The following DSCAM variants were observed in gnomAD, a reference collection of about 807,000 sequenced individuals.
DSCAM encodes cell adhesion molecule DSCAM.
A neutral mutation model predicts 217.7 loss-of-function variants in DSCAM; 47 were observed. That is an observed-to-expected ratio of 0.22 (90% CI 0.17 to 0.28). DSCAM has a LOEUF of 0.28. Ranked by LOEUF, DSCAM falls within the 10% of genes least tolerant of loss-of-function variation. The pLI is 1.00. For synonymous variants in DSCAM, 1,056 were observed against 1,015.3 expected, an observed-to-expected ratio of 1.04 and a Z score of -0.76; for missense variants, 2,080 against 2,618.3, an observed-to-expected ratio of 0.79 and a Z score of 4.49.
intron 1 of DSCAM, among the ~76,000 whole-genome samples, chr21:40,757,165 AG>A (rs2091285043): frequency 2.0e-5 from 3 of 152,102 alleles, no homozygotes; most frequent in Admixed American, 2.0e-4. Flanking sequence ...CTGGGACTAC[AG>A]GTGCCCACCA....
intron 28 of DSCAM, among the ~76,000 whole-genome samples, chr21:40,057,966 C>A (rs1216539276): frequency 1.3e-5 from 2 of 151,080 alleles, no homozygotes; most frequent in Non-Finnish European, 2.9e-5. Context: ...AGCTCCGCCT[C>A]CCAGGTTCAC....
intron 11 of DSCAM, among the ~76,000 whole-genome samples, chr21:40,240,685 G>T (rs2073140865): frequency 6.6e-6 from 1 of 152,040 alleles, no homozygotes; most frequent in South Asian, 2.1e-4. Flanking sequence ...CCTCCTTTGT[G>T]CAGTATCCAT....
chr21:40,774,277 G>A (rs1000830391), intron 1 of DSCAM, among the ~76,000 whole-genome samples: 1 of 152,228 alleles, frequency 6.6e-6, no homozygotes, highest in African/African-American at 2.4e-5. Flanking sequence ...ATTCATAGTG[G>A]AAAGTGATGT....
At chr21:40,829,983 G>A (rs1428489838) in intron 1 of DSCAM, among the ~76,000 whole-genome samples, 1 of 152,258 alleles carries the variant, frequency 6.6e-6, no homozygotes, top group South Asian at 2.1e-4. Context: ...AGCCATGTTT[G>A]CTATCTGGCT....
At chr21:40,030,754 C>T (rs886106809) in intron 32 of DSCAM, among the ~76,000 whole-genome samples, 14 of 152,104 alleles carry the variant, frequency 9.2e-5, no homozygotes, top group African/African-American at 3.4e-4. Context: ...GGAGTATTTG[C>T]AATTTTAGCT....
chr21:40,818,207 T>A (rs1200683896), intron 1 of DSCAM, among the ~76,000 whole-genome samples: 1 of 150,164 alleles, frequency 6.7e-6, no homozygotes, highest in Non-Finnish European at 1.5e-5. Flanking sequence ...ACTGCCTGGA[T>A]GGAGGCACCC....
intron 3 of DSCAM, among the ~76,000 whole-genome samples, chr21:40,557,532 T>C (rs34530176): frequency 0.085 from 10,520 of 123,668 alleles, 412 homozygotes; most frequent in East Asian, 0.15. Context: ...TTTTTTGTAT[T>C]TTTAGTAGAG....
intron 11 of DSCAM, among the ~76,000 whole-genome samples, chr21:40,245,119 CA>C (rs2073205652): frequency 6.6e-6 from 1 of 152,214 alleles, no homozygotes; most frequent in African/African-American, 2.4e-5. Context: ...AGAAAATAAA[CA>C]AAGAATCACT....
At chr21:40,256,896 C>T (rs78908345) in intron 11 of DSCAM, among the ~76,000 whole-genome samples, 2,330 of 152,296 alleles carry the variant, frequency 0.015, 74 homozygotes, top group African/African-American at 0.053. Context: ...AAGACAATAA[C>T]AAGGTTATAC....
intron 3 of DSCAM, among the ~76,000 whole-genome samples, chr21:40,583,240 A>G (rs561779753): frequency 6.6e-6 from 1 of 152,242 alleles, no homozygotes; most frequent in African/African-American, 2.4e-5. Flanking sequence ...GGGCCAGTAC[A>G]CATTGTACCA....
chr21:40,536,429 T>C (rs1364074327), intron 3 of DSCAM, among the ~76,000 whole-genome samples: 3 of 141,866 alleles, frequency 2.1e-5, no homozygotes, highest in Admixed American at 7.5e-5. Context: ...TGAGACGGAG[T>C]CTCGCTGTGT....
At chr21:40,422,747 C>T (rs1346574429) in intron 3 of DSCAM, among the ~76,000 whole-genome samples, 1 of 152,200 alleles carries the variant, frequency 6.6e-6, no homozygotes, top group East Asian at 1.9e-4. Flanking sequence ...CATTTTTAAA[C>T]TTCCTCCATA....
chr21:40,013,159 G>A lies in DSCAM; in HGVS notation c.5914C>T (p.Pro1972Ser). 1.2e-6 allele frequency: 2 copies of A among 1,613,662 alleles called. No individual in the cohort carries two copies. The highest frequency in any genetic ancestry group is 1.7e-6 in the Non-Finnish European group (2 of 1,179,802). ...CCCAGCTCTGCTCCCTCCCGCTGAG[G>A]TAATGTGGCCACGGCCCCCGGCTGC... The part of the protein sequence containing the change: ...SWQPGAVATL[P>S]QREGAELGQA... Residue 1972 changes from proline to serine, a missense_variant, in exon 33 of 33, where the codon CCT (proline) becomes TCT (serine). By Grantham distance (74) the Pro-to-Ser change is moderately conservative. Transcript: ENST00000400454.
At chr21:40,184,175 A>C (rs963968440) in intron 14 of DSCAM, among the ~76,000 whole-genome samples, 1 of 152,224 alleles carries the variant, frequency 6.6e-6, no homozygotes, top group African/African-American at 2.4e-5. Context: ...TTAATACTTG[A>C]AGGATCAGTT....
chr21:40,427,643 C>T (rs1376912811), intron 3 of DSCAM, among the ~76,000 whole-genome samples: 1 of 152,204 alleles, frequency 6.6e-6, no homozygotes, highest in Non-Finnish European at 1.5e-5. Flanking sequence ...ATCTCTACAG[C>T]ACAGTAAACA....
At chr21:40,513,917 A>C (rs2076279704) in intron 3 of DSCAM, among the ~76,000 whole-genome samples, 1 of 152,196 alleles carries the variant, frequency 6.6e-6, no homozygotes. Flanking sequence ...CCCTCCAGGC[A>C]CCAGATCACA....
chr21:40,424,652 G>T (rs1375288461), intron 3 of DSCAM, among the ~76,000 whole-genome samples: 1 of 152,124 alleles, frequency 6.6e-6, no homozygotes, highest in Non-Finnish European at 1.5e-5. Context: ...ATTTACTTCA[G>T]ATTAAAGATA....
chr21:40,304,256 T>C (rs542857382), intron 9 of DSCAM, among the ~76,000 whole-genome samples: 2 of 152,264 alleles, frequency 1.3e-5, no homozygotes, highest in Non-Finnish European at 2.9e-5. Context: ...TCAAACAATG[T>C]GCTAAGCTTT....
At chr21:40,028,658 C>T (rs1316521035) in intron 32 of DSCAM, among the ~76,000 whole-genome samples, 6 of 152,212 alleles carry the variant, frequency 3.9e-5, no homozygotes, top group Admixed American at 1.3e-4. Flanking sequence ...AAGGGAACTC[C>T]CTGACCCTTT....
Sources: gnomAD v4.1 joint callset for allele counts (sites outside exome capture counted in the v4.1 genomes callset) on GRCh38, gnomAD v4.1.1 for gene constraint, MANE v1.5 for transcripts, NCBI Gene and HGNC (gene_info 2026-07-23, HGNC 2026-07-21) for gene names.